The following THEMIS variants were observed in gnomAD, a reference collection of about 807,000 sequenced individuals.
THEMIS encodes the protein protein THEMIS.
A neutral mutation model predicts 52.6 loss-of-function variants in THEMIS; 37 were observed. The observed-to-expected ratio is 0.70, with a 90% CI of 0.54 to 0.93. The LOEUF (loss-of-function observed/expected upper bound fraction) is 0.93. THEMIS is among the 40% of genes least tolerant of loss of function. THEMIS has a pLI of 0.00. For synonymous variants in THEMIS, 292 were observed against 272.7 expected (o/e 1.07, Z -0.70); for missense variants, 808 against 763.1 (o/e 1.06, Z -0.69).
At chr6:127,799,543 CTT>C (rs1777453020) in intron 4 of THEMIS, among the ~76,000 whole-genome samples, 1 of 131,438 alleles carries the variant, frequency 7.6e-6, no homozygotes, top group African/African-American at 2.9e-5. Flanking sequence ...TTCTTTCTTT[CTT>C]TCTTTCTATC....
intron 4 of THEMIS, among the ~76,000 whole-genome samples, chr6:127,773,461 C>T (rs890632114): frequency 1.3e-5 from 2 of 152,124 alleles, no homozygotes; most frequent in African/African-American, 4.8e-5. Context: ...CTAAAAAGTA[C>T]TTTATGTATT....
intron 4 of THEMIS, among the ~76,000 whole-genome samples, chr6:127,781,586 T>C (rs528151338): frequency 6.6e-6 from 1 of 152,168 alleles, no homozygotes; most frequent in Non-Finnish European, 1.5e-5. Flanking sequence ...TGTCTGGACA[T>C]CCTTTTTCTT....
intron 3 of THEMIS, among the ~76,000 whole-genome samples, chr6:127,820,944 A>G (rs1163292028): frequency 1.3e-5 from 2 of 152,004 alleles, no homozygotes; most frequent in Admixed American, 6.6e-5. Flanking sequence ...ATTAATTTTT[A>G]TGGCAAATAT....
intron 1 of THEMIS, among the ~76,000 whole-genome samples, chr6:127,892,373 C>G (rs544208711): frequency 1.3e-5 from 2 of 152,308 alleles, no homozygotes; most frequent in South Asian, 4.1e-4. Flanking sequence ...CCCCGGTCAC[C>G]CTATCAAAAG....
At chr6:127,881,212 A>G (rs1780475673) in intron 1 of THEMIS, among the ~76,000 whole-genome samples, 1 of 152,094 alleles carries the variant, frequency 6.6e-6, no homozygotes, top group Non-Finnish European at 1.5e-5. Context: ...CTAATCTTAA[A>G]GTAAGTCTTG....
At chr6:127,891,243 C>T (rs1281343364) in intron 1 of THEMIS, among the ~76,000 whole-genome samples, 2 of 151,980 alleles carry the variant, frequency 1.3e-5, no homozygotes, top group African/African-American at 4.8e-5. Context: ...AAAGTCCTTA[C>T]ATTTCGGCCA....
chr6:127,763,878 C>T (rs9321097), intron 4 of THEMIS, among the ~76,000 whole-genome samples: 1,965 of 151,706 alleles, frequency 0.013, 43 homozygotes, highest in African/African-American at 0.043. Flanking sequence ...TTTCTTTTTG[C>T]TTTTTTGATA....
At chr6:127,801,324 G>C (rs1159099645) in intron 4 of THEMIS, among the ~76,000 whole-genome samples, 2 of 152,150 alleles carry the variant, frequency 1.3e-5, no homozygotes, top group African/African-American at 4.8e-5. Flanking sequence ...CAGATATCAA[G>C]CCTCAGATCT....
intron 4 of THEMIS, among the ~76,000 whole-genome samples, chr6:127,761,518 A>G (rs1776020806): frequency 6.6e-6 from 1 of 152,144 alleles, no homozygotes; most frequent in Non-Finnish European, 1.5e-5. Context: ...AATCATACCC[A>G]GGGGTGGAGA....
intron 2 of THEMIS, among the ~76,000 whole-genome samples, chr6:127,834,596 G>GTAA (rs1175479255): frequency 2.6e-5 from 4 of 151,444 alleles, no homozygotes; most frequent in East Asian, 3.9e-4. Context: ...AACAATAATA[G>GTAA]TAATAATAAT....
chr6:127,739,027 C>T (rs1201702923), intron 4 of THEMIS, among the ~76,000 whole-genome samples: 1 of 152,126 alleles, frequency 6.6e-6, no homozygotes, highest in Non-Finnish European at 1.5e-5. Flanking sequence ...CATGGCTGCA[C>T]CATTGCAAGC....
chr6:127,709,999 T>C lies in THEMIS; in HGVS notation c.1912A>G (p.Lys638Glu). ...GTCACATCTTGTTATTTTTGATGTT[T>C]TTCATTTTTGAATGTTTCTATAAAT... Reference protein sequence around the residue: ...TAIAETFKNEKHQK With the variant: ...TAIAETFKNEEHQK Residue 638 changes from lysine to glutamate, a missense_variant, in exon 6 of 6, where the codon AAA becomes GAA. Transcript: ENST00000368248. 1 of 1,587,488 alleles carries C rather than the reference T, an allele frequency of 6.3e-7. No individual in the cohort carries two copies. The highest frequency in any genetic ancestry group is 1.2e-5 in the South Asian group (1 of 86,432).
chr6:127,792,906 A>G (rs1308535184), intron 4 of THEMIS, among the ~76,000 whole-genome samples: 1 of 152,180 alleles, frequency 6.6e-6, no homozygotes, highest in East Asian at 1.9e-4. Context: ...CCTGGTCATG[A>G]TGTCAAATGC....
chr6:127,773,091 A>G (rs1054063345), intron 4 of THEMIS, among the ~76,000 whole-genome samples: 1 of 152,200 alleles, frequency 6.6e-6, no homozygotes, highest in African/African-American at 2.4e-5. Flanking sequence ...TGAGGATAGA[A>G]AAATAATTTA....
At chr6:127,861,932 T>C (rs1481229963) in intron 1 of THEMIS, among the ~76,000 whole-genome samples, 2 of 152,110 alleles carry the variant, frequency 1.3e-5, no homozygotes, top group Non-Finnish European at 2.9e-5. Flanking sequence ...TAAAATTTTA[T>C]TTTTATAACT....
At chr6:127,918,381 G>A (rs1781568993) in intron 1 of THEMIS, 1 of 152,040 alleles carries the variant, frequency 6.6e-6, no homozygotes, top group Non-Finnish European at 1.5e-5. Context: ...GATAGCCCTG[G>A]CCCATAAAAT....
At chr6:127,781,031 A>G (rs1029014325) in intron 4 of THEMIS, among the ~76,000 whole-genome samples, 1 of 152,070 alleles carries the variant, frequency 6.6e-6, no homozygotes, top group Admixed American at 6.5e-5. Context: ...AGGTACACCA[A>G]TCAAATGTAT....
intron 4 of THEMIS, among the ~76,000 whole-genome samples, chr6:127,790,921 G>C (rs1424263124): frequency 6.6e-6 from 1 of 152,236 alleles, no homozygotes; most frequent in African/African-American, 2.4e-5. Context: ...AGGGAATGTG[G>C]TGGCACCCAG....
upstream of THEMIS, among the ~76,000 whole-genome samples, chr6:127,902,758 T>C (rs1781176107): frequency 6.6e-6 from 1 of 151,980 alleles, no homozygotes; most frequent in African/African-American, 2.4e-5. Context: ...TCCATACCCC[T>C]CCCCACAGTT....
Sources: gnomAD v4.1 joint callset for allele counts (sites outside exome capture counted in the v4.1 genomes callset) on GRCh38, gnomAD v4.1.1 for gene constraint, MANE v1.5 for transcripts, NCBI Gene and HGNC (gene_info 2026-07-23, HGNC 2026-07-21) for gene names.